The following NT5DC1 variants were observed in gnomAD, a reference collection of about 807,000 sequenced individuals.
NT5DC1 encodes 5'-nucleotidase domain-containing protein 1.
Under a neutral mutation model 59.4 loss-of-function variants are expected in NT5DC1, and 42 were observed. The observed-to-expected ratio is 0.71, with a 90% CI of 0.55 to 0.92. NT5DC1 has a LOEUF of 0.92. NT5DC1 is among the 40% of genes least tolerant of loss of function. The pLI is 0.00. For synonymous variants in NT5DC1, 172 were observed against 188.1 expected (o/e 0.91, Z 0.70); for missense variants, 501 against 537.1 (o/e 0.93, Z 0.66).
intron 6 of NT5DC1, among the ~76,000 whole-genome samples, chr6:116,168,245 G>A (rs2152020): frequency 6.6e-6 from 1 of 151,614 alleles, no homozygotes; most frequent in African/African-American, 2.4e-5. Flanking sequence ...TCATATTTTA[G>A]AAGATATTTT....
intron 6 of NT5DC1, among the ~76,000 whole-genome samples, chr6:116,201,935 A>G (rs766497959): frequency 1.5e-4 from 23 of 151,988 alleles, no homozygotes; most frequent in Non-Finnish European, 3.2e-4. Flanking sequence ...TACAGCTGAT[A>G]ATTTTAGGAA....
chr6:116,241,957 A>C (rs1329289502), intron 11 of NT5DC1, among the ~76,000 whole-genome samples: 9 of 146,418 alleles, frequency 6.1e-5, no homozygotes, highest in African/African-American at 2.0e-4. Context: ...AAAAAAAAAA[A>C]AACAAAGAAT....
intron 8 of NT5DC1, among the ~76,000 whole-genome samples, chr6:116,236,648 CAGT>C (rs1782118497): frequency 6.6e-6 from 1 of 152,120 alleles, no homozygotes; most frequent in Admixed American, 6.5e-5. Flanking sequence ...CGTTTTGTAG[CAGT>C]AGGGGCATGA....
chr6:116,202,624 T>C (rs189299130), intron 6 of NT5DC1, among the ~76,000 whole-genome samples: 1 of 152,150 alleles, frequency 6.6e-6, no homozygotes, highest in Admixed American at 6.5e-5. Flanking sequence ...GAGTGGTATT[T>C]ACAGAGTCAT....
intron 6 of NT5DC1, among the ~76,000 whole-genome samples, chr6:116,172,267 A>G (rs1780625985): frequency 6.7e-6 from 1 of 149,990 alleles, no homozygotes; most frequent in Non-Finnish European, 1.5e-5. Context: ...AGATAAGTAT[A>G]TTATTAAAGA....
At chr6:116,128,782 C>T (rs1317292102) in intron 6 of NT5DC1, among the ~76,000 whole-genome samples, 1 of 152,120 alleles carries the variant, frequency 6.6e-6, no homozygotes, top group African/African-American at 2.4e-5. Context: ...GGTTCAAAGA[C>T]TATATTTTCA....
chr6:116,227,228 GTCTTTC>G (rs1781927824), intron 8 of NT5DC1, among the ~76,000 whole-genome samples: 2 of 152,052 alleles, frequency 1.3e-5, no homozygotes, highest in African/African-American at 4.8e-5. Flanking sequence ...TATGGTATTT[GTCTTTC>G]TGTGCCTGGC....
In NT5DC1 at chr6:116,239,115, C is replaced by A; in HGVS notation, c.1244C>A (p.Ala415Glu). The change falls in exon 11 of 12, where the codon GCA becomes GAA. Residue 415 changes from alanine to glutamate, a missense_variant. Physicochemically the swap from Ala to Glu is moderately radical, Grantham distance 107. Coordinates refer to ENST00000319550, the MANE Select transcript of NT5DC1 (RefSeq NM_152729.3). ...ACTATTGCAATTCCAAGTATTGAAG[C>A]AATCGCAGGTAAGGGGGAAAATACC... ...YSTIAIPSIE[A>E]IAELPLDYKF... 1 of 1,609,042 alleles carries A rather than the reference C, an allele frequency of 6.2e-7. No homozygotes were observed. The highest frequency in any genetic ancestry group is 8.5e-7 in the Non-Finnish European group (1 of 1,176,928).
At chr6:116,176,373 G>A (rs1325934020) in intron 6 of NT5DC1, among the ~76,000 whole-genome samples, 3 of 152,180 alleles carry the variant, frequency 2.0e-5, no homozygotes, top group Non-Finnish European at 4.4e-5. Flanking sequence ...TGGGCCTGGA[G>A]GCAGGGTATA....
At chr6:116,123,170 G>C (rs559265560) in intron 6 of NT5DC1, among the ~76,000 whole-genome samples, 1 of 152,284 alleles carries the variant, frequency 6.6e-6, no homozygotes, top group East Asian at 1.9e-4. Flanking sequence ...AATTGTCTTA[G>C]TCTGATTGGA....
At chr6:116,223,664 A>T (rs1781853898) in intron 8 of NT5DC1, among the ~76,000 whole-genome samples, 1 of 152,256 alleles carries the variant, frequency 6.6e-6, no homozygotes, top group South Asian at 2.1e-4. Context: ...ATAAATACAT[A>T]AATGAATAAA....
intron 8 of NT5DC1, among the ~76,000 whole-genome samples, chr6:116,228,299 A>C (rs1781947226): frequency 6.6e-6 from 1 of 152,228 alleles, no homozygotes; most frequent in Admixed American, 6.5e-5. Context: ...ACCTGAGGTC[A>C]GGAGTTCAAG....
At position 116,108,435 on chromosome 6, in the gene NT5DC1, G is replaced by T. The variant is rs1250493730; in HGVS notation, c.257G>T (p.Arg86Met). ...LKLANNGTVL[R>M]ASHGTKMMTP... ...CTTGCAAATAATGGCACTGTTCTCAGGTAATAAAACTTAGTTGTGAAGTCT... is the reference window on the plus strand; with the variant it reads ...CTTGCAAATAATGGCACTGTTCTCATGTAATAAAACTTAGTTGTGAAGTCT... Residue 86 changes from arginine to methionine, a missense_variant and splice_region_variant, in exon 3 of 12, where the codon AGG (arginine) becomes ATG (methionine). Physicochemically the swap from Arg to Met is moderately conservative, Grantham distance 91. Transcript: ENST00000319550. 1.0e-5 allele frequency: 16 copies of T among 1,588,240 alleles called. No homozygotes were observed. Among genetic ancestry groups the T allele is most frequent in the Non-Finnish European group, 1.4e-5 (16 of 1,156,766 alleles).
intron 6 of NT5DC1, chr6:116,125,599 T>C (rs1035011304): frequency 1.7e-6 from 2 of 1,152,404 alleles, no homozygotes; most frequent in East Asian, 2.6e-5. Flanking sequence ...TATACAGTTA[T>C]CTACTTTTTT....
chr6:116,178,066 T>C (rs954632159), intron 6 of NT5DC1, among the ~76,000 whole-genome samples: 26 of 108,484 alleles, frequency 2.4e-4, no homozygotes, highest in African/African-American at 1.1e-3. Flanking sequence ...TGTGTGTGTG[T>C]GTGTGTGTGT....
At chr6:116,134,304 C>G (rs908559587) in intron 6 of NT5DC1, among the ~76,000 whole-genome samples, 2 of 152,054 alleles carry the variant, frequency 1.3e-5, no homozygotes, top group African/African-American at 4.8e-5. Context: ...GCTGTAGACT[C>G]ATGGAGATAA....
chr6:116,232,229 T>C (rs904809661), intron 8 of NT5DC1, among the ~76,000 whole-genome samples: 10 of 152,178 alleles, frequency 6.6e-5, no homozygotes, highest in African/African-American at 2.4e-4. Flanking sequence ...CATCTCTAAA[T>C]AGTCACATTC....
chr6:116,125,211 A>G, intron 6 of NT5DC1: 1 of 974,020 alleles, frequency 1.0e-6, no homozygotes, highest in Non-Finnish European at 1.5e-6. Context: ...CTTTGTTGTA[A>G]TAATTTGGGC....
chr6:116,239,219 A>G, intron 11 of NT5DC1, 96 bp downstream of exon 11: 1 of 934,994 alleles, frequency 1.1e-6, no homozygotes, highest in South Asian at 1.6e-5. Flanking sequence ...TGTTGCCACA[A>G]CATTGATTTA....
Sources: gnomAD v4.1 joint callset for allele counts (sites outside exome capture counted in the v4.1 genomes callset) on GRCh38, gnomAD v4.1.1 for gene constraint, MANE v1.5 for transcripts, NCBI Gene and HGNC (gene_info 2026-07-23, HGNC 2026-07-21) for gene names.